SMAP1: variants seen among roughly 807,000 people sequenced by gnomAD.
The protein encoded by SMAP1 is stromal membrane-associated protein 1.
Under a neutral mutation model 58.5 loss-of-function variants are expected in SMAP1, and 24 were observed. The observed-to-expected ratio is 0.41, with a 90% CI of 0.30 to 0.58. The LOEUF (loss-of-function observed/expected upper bound fraction) is 0.58, where lower values mean the gene tolerates loss of function less well. Among genes scored for constraint, SMAP1 ranks in the 20% least tolerant of loss-of-function variants. The pLI, the probability that SMAP1 is intolerant of heterozygous loss-of-function variation, is 0.29. For missense variants in SMAP1, 563 were observed against 566.3 expected, an observed-to-expected ratio of 0.99 and a Z score of 0.06; for synonymous variants, 216 against 196.6, an observed-to-expected ratio of 1.10 and a Z score of -0.82.
At chr6:70,693,262 T>C (rs1424755512) in intron 1 of SMAP1, among the ~76,000 whole-genome samples, 1 of 151,786 alleles carries the variant, frequency 6.6e-6, no homozygotes, top group Non-Finnish European at 1.5e-5. Flanking sequence ...TGTGGTTTCA[T>C]GTAAATTTTA....
intron 1 of SMAP1, among the ~76,000 whole-genome samples, chr6:70,719,816 A>G (rs1482091189): frequency 6.6e-6 from 1 of 152,164 alleles, no homozygotes; most frequent in Non-Finnish European, 1.5e-5. Context: ...ATAGCGTGGG[A>G]AAGACTAGCC....
chr6:70,788,771 C>T (rs113196169), intron 4 of SMAP1, among the ~76,000 whole-genome samples: 1 of 152,160 alleles, frequency 6.6e-6, no homozygotes, highest in Non-Finnish European at 1.5e-5. Context: ...AGAGATGACA[C>T]TTGTGGCCTG....
At chr6:70,855,955 A>G (rs1771402013) in intron 8 of SMAP1, among the ~76,000 whole-genome samples, 1 of 152,248 alleles carries the variant, frequency 6.6e-6, no homozygotes, top group Non-Finnish European at 1.5e-5. Flanking sequence ...TTATAAGTAC[A>G]ATGTTTGGAT....
intron 4 of SMAP1, among the ~76,000 whole-genome samples, 172 bp from the exon 5 acceptor site, chr6:70,791,517 A>T (rs1562164580): frequency 6.6e-6 from 1 of 152,158 alleles, no homozygotes; most frequent in African/African-American, 2.4e-5. Context: ...TTCAAATTGA[A>T]ATTTTTAAAA....
chr6:70,855,634 T>C (rs1176553332), intron 8 of SMAP1, among the ~76,000 whole-genome samples: 1 of 152,182 alleles, frequency 6.6e-6, no homozygotes. Flanking sequence ...AGAACACTTT[T>C]GTGATCATTA....
At chr6:70,705,136 G>C (rs551689997) in intron 1 of SMAP1, among the ~76,000 whole-genome samples, 1 of 152,060 alleles carries the variant, frequency 6.6e-6, no homozygotes, top group African/African-American at 2.4e-5. Flanking sequence ...TTAAGCTTCT[G>C]AGTCTTTTCC....
chr6:70,760,324 T>C (rs1226023260), intron 3 of SMAP1, among the ~76,000 whole-genome samples: 1 of 152,098 alleles, frequency 6.6e-6, no homozygotes, highest in Non-Finnish European at 1.5e-5. Flanking sequence ...TTACAAATTA[T>C]GGTCATATTT....
chr6:70,808,902 C>CTGTGTGTGTGTG lies in SMAP1; in HGVS notation c.576+10193_576+10204dup, dbSNP rs35577736. Among the ~76,000 whole-genome samples, 112 of 144,758 alleles carry CTGTGTGTGTGTG rather than the reference C, an allele frequency of 7.7e-4. No individual in the cohort carries two copies. The East Asian group carries it at 0.01, about 13-fold the overall frequency. 95.0% of individuals were successfully genotyped at this position (144,758 alleles called of 152,430 possible). Reference sequence around the variant, plus strand: ...TTTATTTCTAGTGCAGGCTGTTTCCCTGTGTGTGTGTGTGTGTGTGTGTGT... The same window carrying CTGTGTGTGTGTG: ...TTTATTTCTAGTGCAGGCTGTTTCCCTGTGTGTGTGTGTGTGTGTGTGTGTGTGTGTGTGTGT... On this transcript the variant is annotated intron_variant, in intron 6 of 10. Transcript: ENST00000370455.
intron 1 of SMAP1, among the ~76,000 whole-genome samples, chr6:70,729,459 T>TG (rs1554194434): frequency 3.8e-4 from 49 of 128,170 alleles, no homozygotes; most frequent in African/African-American, 1.3e-3. Context: ...AAAAAGAAGG[T>TG]TGTGTGTGTG....
At chr6:70,836,855 T>A (rs1244935767) in intron 6 of SMAP1, 86 bp from the exon 7 acceptor site, 1 of 1,087,308 alleles carries the variant, frequency 9.2e-7, no homozygotes. Context: ...ACACTAACTT[T>A]ATCAGAACCC....
In SMAP1 at chr6:70,801,253, A is replaced by G. The variant is rs757663864; in HGVS notation, c.576+2516A>G. Among the ~76,000 whole-genome samples the G allele has an allele frequency of 5.3e-5, 8 of 152,176 alleles. No individual in the cohort carries two copies. In the South Asian group the frequency reaches 1.2e-3, roughly 24 times the overall value. On this transcript the variant is annotated intron_variant, in intron 6 of 10. Coordinates refer to ENST00000370455, the MANE Select transcript of SMAP1 (RefSeq NM_001044305.3). ...GTATCTCATCGTGGTTTTGATTTGCATTTGTCTGATGACCAGTGATGGTGA... is the reference window on the plus strand; with the variant it reads ...GTATCTCATCGTGGTTTTGATTTGCGTTTGTCTGATGACCAGTGATGGTGA...
At chr6:70,730,542 C>G (rs1435906516) in intron 1 of SMAP1, among the ~76,000 whole-genome samples, 1 of 152,176 alleles carries the variant, frequency 6.6e-6, no homozygotes, top group African/African-American at 2.4e-5. Context: ...GCAGCTCTAT[C>G]TAGAGTTGTC....
At chr6:70,681,136 A>C (rs1374833557) in intron 1 of SMAP1, among the ~76,000 whole-genome samples, 1 of 151,906 alleles carries the variant, frequency 6.6e-6, no homozygotes, top group South Asian at 2.1e-4. Flanking sequence ...TACAATGCAT[A>C]GGCTAGGAAT....
chr6:70,781,143 A>T lies in SMAP1; in HGVS notation c.414+7718A>T, dbSNP rs551058197. On this transcript the variant is annotated intron_variant, in intron 4 of 10. Transcript: ENST00000370455. The stretch of plus-strand genomic sequence containing the variant: ...CTTTAATCAGCCCTTTAATTATAGG[A>T]CACCCCAATAGAGCATGTAAAGGAC... Among the ~76,000 whole-genome samples, 89 of 152,302 alleles carry T rather than the reference A, an allele frequency of 5.8e-4. No homozygotes were observed. In the Middle Eastern group the frequency reaches 0.014, roughly 23 times the overall value.
At chr6:70,774,868 C>T (rs1176572799) in intron 4 of SMAP1, among the ~76,000 whole-genome samples, 2 of 152,108 alleles carry the variant, frequency 1.3e-5, no homozygotes, top group East Asian at 3.9e-4. Context: ...CAAAAATTAG[C>T]TGGGCCCAGT....
intron 4 of SMAP1, among the ~76,000 whole-genome samples, chr6:70,784,433 A>G (rs1414516613): frequency 6.6e-6 from 1 of 152,226 alleles, no homozygotes; most frequent in African/African-American, 2.4e-5. Flanking sequence ...TAATGACAGG[A>G]TCAAATTAAC....
At chr6:70,802,149 A>G (rs777853710) in intron 6 of SMAP1, among the ~76,000 whole-genome samples, 1 of 152,228 alleles carries the variant, frequency 6.6e-6, no homozygotes, top group Non-Finnish European at 1.5e-5. Context: ...ATCTATGAGC[A>G]TGGAATGTTC....
intron 5 of SMAP1, among the ~76,000 whole-genome samples, chr6:70,798,187 A>T (rs1409302550): frequency 6.6e-6 from 1 of 152,042 alleles, no homozygotes; most frequent in East Asian, 1.9e-4. Context: ...GTGATAAAAA[A>T]AGCTGATTTT....
At chr6:70,758,516 A>G (rs143743830) in intron 3 of SMAP1, among the ~76,000 whole-genome samples, 3,571 of 152,200 alleles carry the variant, frequency 0.023, 49 homozygotes, top group Non-Finnish European at 0.037. Flanking sequence ...AACTTAAAGT[A>G]TAATAAAAAT....
Sources: allele counts gnomAD v4.1 joint callset (sites outside exome capture counted in the v4.1 genomes callset), GRCh38; gene constraint gnomAD v4.1.1; transcripts MANE v1.5; gene names NCBI Gene and HGNC (gene_info 2026-07-23, HGNC 2026-07-21).